SHISA9: variants seen among roughly 807,000 people sequenced by gnomAD.
The protein encoded by SHISA9 is protein shisa-9.
A neutral mutation model predicts 38.0 loss-of-function variants in SHISA9; 13 were observed. The ratio of observed to expected loss-of-function variants is 0.34; its 90% CI spans 0.22 to 0.54. The LOEUF is 0.54. Among genes scored for constraint, SHISA9 ranks in the 20% least tolerant of loss-of-function variants. SHISA9 has a pLI of 0.91. For missense variants in SHISA9, 538 were observed against 575.8 expected, an observed-to-expected ratio of 0.93 and a Z score of 0.67; for synonymous variants, 275 against 242.0, an observed-to-expected ratio of 1.14 and a Z score of -1.27.
At chr16:13,389,500 A>G in the SHISA9 span, among the ~76,000 whole-genome samples, 11 of 152,242 alleles carry the variant, frequency 7.2e-5, no homozygotes, top group Admixed American at 2.0e-4. Context: ...TACATCTTAA[A>G]TATATACATT....
At chr16:13,072,805 C>A (rs956685118) in intron 2 of SHISA9, among the ~76,000 whole-genome samples, 1 of 151,998 alleles carries the variant, frequency 6.6e-6, no homozygotes, top group Non-Finnish European at 1.5e-5. Flanking sequence ...AGATTACAGG[C>A]GCCTGCCACC....
At chr16:13,511,256 G>A in the SHISA9 span, among the ~76,000 whole-genome samples, 3 of 152,008 alleles carry the variant, frequency 2.0e-5, no homozygotes, top group Non-Finnish European at 4.4e-5. Flanking sequence ...CTAGATATAG[G>A]GAATTCACAC....
chr16:13,031,451 C>T (rs957772010), intron 2 of SHISA9, among the ~76,000 whole-genome samples: 2 of 152,154 alleles, frequency 1.3e-5, no homozygotes, highest in African/African-American at 2.4e-5. Context: ...ATGATACAGG[C>T]ACCAACCAGT....
chr16:12,942,840 A>G (rs2071628911), intron 2 of SHISA9, among the ~76,000 whole-genome samples: 1 of 152,130 alleles, frequency 6.6e-6, no homozygotes, highest in Admixed American at 6.5e-5. Flanking sequence ...AGAAACCTAA[A>G]GCAAAGAAAA....
chr16:13,097,356 G>T (rs1440192961), intron 2 of SHISA9, among the ~76,000 whole-genome samples: 2 of 151,984 alleles, frequency 1.3e-5, no homozygotes, highest in African/African-American at 2.4e-5. Flanking sequence ...TGGACAGCAG[G>T]CACTTTATGG....
chr16:13,348,404 C>G, the SHISA9 span, among the ~76,000 whole-genome samples: 1,566 of 152,100 alleles, frequency 0.01, 19 homozygotes, highest in Middle Eastern at 0.037. Context: ...TTCTCACATA[C>G]TTTTACATGT....
rs550618764 is a variant in SHISA9 at position 13,229,052 on chromosome 16, T to C, written c.896-5978T>C. ...TCACATACCTGGAATCCTAGCTACT[T>C]GGGAGGCTGAGACAGGAGAATCACT... On this transcript the variant is annotated intron_variant, in intron 4 of 4. Coordinates refer to ENST00000558583, the MANE Select transcript of SHISA9 (RefSeq NM_001145204.3). Among the ~76,000 whole-genome samples, 3 of 152,198 alleles carry C rather than the reference T, an allele frequency of 2.0e-5. No individual in the cohort carries two copies. In the South Asian group the frequency reaches 6.2e-4, roughly 32 times the overall value.
intron 2 of SHISA9, among the ~76,000 whole-genome samples, chr16:12,985,179 T>A (rs1373249465): frequency 4.7e-5 from 7 of 147,716 alleles, no homozygotes. Flanking sequence ...TATCAAAGCA[T>A]TATGTTGTAC....
intron 2 of SHISA9, among the ~76,000 whole-genome samples, chr16:12,922,584 A>T (rs1210380702): frequency 6.6e-6 from 1 of 152,208 alleles, no homozygotes; most frequent in Admixed American, 6.5e-5. Flanking sequence ...CAGGGGCACG[A>T]TCTTGGCTCA....
the SHISA9 span, among the ~76,000 whole-genome samples, chr16:13,351,538 C>T: frequency 6.6e-6 from 1 of 152,112 alleles, no homozygotes; most frequent in Non-Finnish European, 1.5e-5. Context: ...TTTCCCCACC[C>T]CACCCCTGCC....
intron 2 of SHISA9, among the ~76,000 whole-genome samples, chr16:13,137,116 G>T (rs1301831960): frequency 6.6e-6 from 1 of 152,154 alleles, no homozygotes; most frequent in Non-Finnish European, 1.5e-5. Flanking sequence ...GCCTGTCTCA[G>T]CTTGTGAGAA....
chr16:12,907,354 C>T lies in SHISA9; in HGVS notation c.563+4727C>T, dbSNP rs1484594994. Reference sequence around the variant, plus strand: ...TCTCTTTCCTTCCTTCCCCTCCCCTCTTCTCATCTTCTTCCCTTCCTCATT... The same window carrying T: ...TCTCTTTCCTTCCTTCCCCTCCCCTTTTCTCATCTTCTTCCCTTCCTCATT... On this transcript the variant is annotated intron_variant, in intron 1 of 4. Transcript: ENST00000558583. 7.6e-5 allele frequency among the ~76,000 whole-genome samples: 11 copies of T among 145,498 alleles called. No homozygotes were observed. The Admixed American group carries it at 7.6e-4, about 10-fold the overall frequency.
chr16:13,148,835 A>AT (rs1371154467), intron 2 of SHISA9, among the ~76,000 whole-genome samples: 2 of 151,842 alleles, frequency 1.3e-5, no homozygotes, highest in East Asian at 1.9e-4. Flanking sequence ...AAAAAAAAAA[A>AT]TTTTAAGTCT....
the SHISA9 span, among the ~76,000 whole-genome samples, chr16:13,497,904 A>G: frequency 2.0e-5 from 3 of 152,064 alleles, no homozygotes; most frequent in Non-Finnish European, 4.4e-5. Flanking sequence ...ATAAATTCCA[A>G]TCAGATTAAA....
intron 2 of SHISA9, among the ~76,000 whole-genome samples, chr16:12,974,464 A>C (rs529254114): frequency 2.6e-4 from 38 of 148,212 alleles, no homozygotes; most frequent in Non-Finnish European, 4.6e-4. Context: ...CATGGCTAGC[A>C]AGTGATTTCT....
the SHISA9 span, among the ~76,000 whole-genome samples, chr16:13,276,758 G>A: frequency 6.6e-6 from 1 of 151,898 alleles, no homozygotes; most frequent in Non-Finnish European, 1.5e-5. Context: ...ACTTTTTGAT[G>A]GGATTGTTTG....
intron 2 of SHISA9, among the ~76,000 whole-genome samples, chr16:12,999,116 G>A (rs1365574170): frequency 6.6e-6 from 1 of 152,154 alleles, no homozygotes; most frequent in Non-Finnish European, 1.5e-5. Flanking sequence ...ACTCATGCCT[G>A]GAGAAAGCTT....
chr16:13,287,926 C>G, the SHISA9 span, among the ~76,000 whole-genome samples: 1,084 of 152,168 alleles, frequency 7.1e-3, 12 homozygotes, highest in African/African-American at 0.024. Context: ...TCTGTTGAAG[C>G]CCCTTCGCTA....
At chr16:13,089,997 TTG>T (rs1435828544) in intron 2 of SHISA9, among the ~76,000 whole-genome samples, 1 of 152,238 alleles carries the variant, frequency 6.6e-6, no homozygotes, top group Non-Finnish European at 1.5e-5. Flanking sequence ...TTCTGGTGCA[TTG>T]TGTCTTTGTT....
Sources: gnomAD v4.1 joint callset for allele counts (sites outside exome capture counted in the v4.1 genomes callset) on GRCh38, gnomAD v4.1.1 for gene constraint, MANE v1.5 for transcripts, NCBI Gene and HGNC (gene_info 2026-07-23, HGNC 2026-07-21) for gene names.